The following TSPO variants were observed in gnomAD, a reference collection of about 807,000 sequenced individuals.
TSPO encodes the protein benzodiazepine peripheral binding site.
A neutral mutation model predicts 13.9 loss-of-function variants in TSPO; 14 were observed. The observed-to-expected ratio is 1.01, with a 90% CI of 0.67 to 1.58. The LOEUF (loss-of-function observed/expected upper bound fraction) is 1.58. Among genes scored for constraint, TSPO ranks in the 40% most tolerant of loss-of-function variants. The pLI is 0.00. For synonymous variants in TSPO, 114 were observed against 105.9 expected (o/e 1.08, Z -0.47); for missense variants, 232 against 229.6 (o/e 1.01, Z -0.07).
chr22:43,157,332 G>C (rs1601756087), intron 1 of TSPO, among the ~76,000 whole-genome samples: 1 of 152,016 alleles, frequency 6.6e-6, no homozygotes, highest in Non-Finnish European at 1.5e-5. Flanking sequence ...GGAGCGGGAG[G>C]GAGAACACAG....
At chr22:43,152,708 C>T (rs1931111355) in intron 1 of TSPO, among the ~76,000 whole-genome samples, 1 of 152,250 alleles carries the variant, frequency 6.6e-6, no homozygotes, top group Non-Finnish European at 1.5e-5. Flanking sequence ...CTGAGGCTTG[C>T]CAAAGAAGCC....
chr22:43,162,687 TG>T (rs1483827140), intron 3 of TSPO, 115 bp from the exon 4 acceptor site: 2 of 1,036,286 alleles, frequency 1.9e-6, no homozygotes, highest in Middle Eastern at 3.2e-4. Context: ...AAGGGTGGAG[TG>T]GGGGTGAGTG....
At chr22:43,151,841 G>A (rs1396591885) in intron 1 of TSPO, 2 of 152,266 alleles carry the variant, frequency 1.3e-5, no homozygotes, top group Non-Finnish European at 2.9e-5. Flanking sequence ...TGGGGGTTCG[G>A]GAGGGAAAAC....
In TSPO at chr22:43,153,345, T is replaced by TGATGGTGCAAACAATGC. The variant is rs1214567553; in HGVS notation, c.-30+1741_-30+1742insGATGGTGCAAACAATGC. On this transcript the variant is annotated intron_variant, in intron 1 of 3. Transcript: ENST00000337554. ...GGCTTATTTGTGTTTTCTTTTTTTT[T>TGATGGTGCAAACAATGC]TTTTTTTTTTTTTTTTTGAGACGGA... is the stretch of plus-strand genomic sequence containing the variant. 4.3e-3 allele frequency among the ~76,000 whole-genome samples: 216 copies of TGATGGTGCAAACAATGC among 50,142 alleles called. 7 individuals carry two copies. Among genetic ancestry groups the TGATGGTGCAAACAATGC allele is most frequent in the East Asian group, 0.043 (4 of 94 alleles). The allele number at this position is 50,142 out of a possible 152,430, so 32.9% of individuals were successfully genotyped here. A position where few individuals can be genotyped will look rare whatever the true frequency, so the allele number is the denominator to read the frequency against.
In TSPO at chr22:43,163,091, G is replaced by A. The variant is rs769779822; in HGVS notation, c.*100G>A. The A allele has an allele frequency of 1.6e-5, 25 of 1,530,496 alleles. No individual in the cohort carries two copies. The African/African-American group carries it at 3.0e-4, about 18-fold the overall frequency. 94.8% of individuals were successfully genotyped at this position (1,530,496 alleles called of 1,614,324 possible). On this transcript the variant is annotated 3_prime_UTR_variant, in exon 4 of 4. Transcript: ENST00000337554. ...TCATGACCACTGGGCCTGCTAGTCT[G>A]TCAGGGCCTTGGCCCAGGGGTCAGC...
At position 43,162,873 on chromosome 22, in the gene TSPO, C is replaced by T. The variant is rs373738253; in HGVS notation, c.392C>T (p.Pro131Leu). Residue 131 changes from proline (P) to leucine (L), a missense_variant, in exon 4 of 4, where the codon CCG becomes CTG. Physicochemically the swap from Pro to Leu is moderately conservative, Grantham distance 98 (BLOSUM62 -3). Transcript: ENST00000337554. ...ATTVAWYQVSPLAARLLYPYL... is the reference protein window; with the variant it reads ...ATTVAWYQVSLLAARLLYPYL... ...ACCGTGGCCTGGTACCAGGTGAGCC[C>T]GCTGGCCGCCCGCCTGCTCTACCCC... 4.1e-5 allele frequency: 65 copies of T among 1,578,020 alleles called. No individual in the cohort carries two copies. The highest frequency in any genetic ancestry group is 5.1e-5 in the Non-Finnish European group (59 of 1,163,284).
At chr22:43,157,557 C>T (rs898479221) in intron 1 of TSPO, among the ~76,000 whole-genome samples, 1 of 152,132 alleles carries the variant, frequency 6.6e-6, no homozygotes, top group African/African-American at 2.4e-5. Context: ...GTGCCGGGCG[C>T]GGTGGCTCAC....
Position 43,153,336 on chromosome 22 carries a change from CTTTTTTTTT to C in TSPO, c.-30+1750_-30+1758del, listed in dbSNP as rs1052119233. 1.2e-4 allele frequency among the ~76,000 whole-genome samples: 6 copies of C among 50,746 alleles called. 1 individual carries two copies. The highest frequency in any genetic ancestry group is 2.0e-4 in the African/African-American group (2 of 10,246). The allele number at this position is 50,746 out of a possible 152,430, so 33.3% of individuals were successfully genotyped here. Reference sequence around the variant, plus strand: ...ACTGTTCCTGGCTTATTTGTGTTTTCTTTTTTTTTTTTTTTTTTTTTTTTTTGAGACGGA... The same window carrying C: ...ACTGTTCCTGGCTTATTTGTGTTTTCTTTTTTTTTTTTTTTTTGAGACGGA... On this transcript the variant is annotated intron_variant, in intron 1 of 3. Coordinates refer to ENST00000337554, the MANE Select transcript of TSPO (RefSeq NM_000714.6).
chr22:43,158,427 C>T (rs929420558), intron 1 of TSPO, among the ~76,000 whole-genome samples: 4 of 152,136 alleles, frequency 2.6e-5, no homozygotes, highest in African/African-American at 9.7e-5. Context: ...CAAGAGCAGA[C>T]GACTCCTGAT....
chr22:43,157,764 G>C (rs908364858), intron 1 of TSPO, among the ~76,000 whole-genome samples: 1 of 152,210 alleles, frequency 6.6e-6, no homozygotes, highest in Non-Finnish European at 1.5e-5. Flanking sequence ...CTGAACCTGG[G>C]AGGCAGAGGT....
intron 1 of TSPO, among the ~76,000 whole-genome samples, chr22:43,155,069 AAGT>A (rs1354300011): frequency 4.6e-5 from 7 of 152,158 alleles, no homozygotes; most frequent in African/African-American, 1.7e-4. Context: ...AACTCCTGGC[AAGT>A]GGTCACGCGG....
At chr22:43,161,302 A>T in intron 3 of TSPO, 112 bp downstream of exon 3, 1 of 1,433,100 alleles carries the variant, frequency 7.0e-7, no homozygotes, top group South Asian at 1.4e-5. Flanking sequence ...GGGGAGACAA[A>T]AGGCCATGTC....
rs1315412355 is a variant in TSPO at position 43,161,209 on chromosome 22, T to A, written c.321+19T>A. ...GGGCTGGGTAAGTGTGGCCACAGCATGTGTCCCTGATCCCTGGATCCGACC... is the reference window on the plus strand; with the variant it reads ...GGGCTGGGTAAGTGTGGCCACAGCAAGTGTCCCTGATCCCTGGATCCGACC... On this transcript the variant is annotated intron_variant, in intron 3 of 3. Transcript: ENST00000337554. 6.2e-7 allele frequency: 1 copy of A among 1,606,218 alleles called. No homozygotes were observed. The highest frequency in any genetic ancestry group is 1.3e-5 in the African/African-American group (1 of 74,744).
chr22:43,160,117 G>A lies in TSPO; in HGVS notation c.182+697G>A, dbSNP rs7287485. On this transcript the variant is annotated intron_variant, in intron 2 of 3. Transcript: ENST00000337554. ...ATAGCAGAGGCCAGGCCAGGTGCCCGGCTCTGATGGGAATAAGGCCCTGGA... is the reference window on the plus strand; with the variant it reads ...ATAGCAGAGGCCAGGCCAGGTGCCCAGCTCTGATGGGAATAAGGCCCTGGA... 4.4e-3 allele frequency among the ~76,000 whole-genome samples: 668 copies of A among 152,272 alleles called. 5 individuals carry two copies. Among genetic ancestry groups the A allele is most frequent in the African/African-American group, 0.015 (626 of 41,548 alleles).
At chr22:43,156,589 A>AG (rs2147052932) in intron 1 of TSPO, among the ~76,000 whole-genome samples, 2 of 152,226 alleles carry the variant, frequency 1.3e-5, no homozygotes, top group East Asian at 3.9e-4. Flanking sequence ...GGTTTCTTTT[A>AG]GGGGTTGAAA....
At chr22:43,161,261 G>A in intron 3 of TSPO, 71 bp downstream of exon 3, 1 of 1,557,268 alleles carries the variant, frequency 6.4e-7, no homozygotes, top group South Asian at 1.2e-5. Flanking sequence ...CATCACATAT[G>A]ACACTGGGTC....
At chr22:43,159,882 C>G (rs546380166) in intron 2 of TSPO, among the ~76,000 whole-genome samples, 5 of 152,308 alleles carry the variant, frequency 3.3e-5, no homozygotes, top group South Asian at 2.1e-4. Flanking sequence ...CCTTCAGGCT[C>G]AGTCTGGCCT....
chr22:43,156,576 C>T (rs1016072711), intron 1 of TSPO, among the ~76,000 whole-genome samples: 4 of 152,026 alleles, frequency 2.6e-5, no homozygotes, highest in Admixed American at 2.0e-4. Flanking sequence ...CTGATGGATA[C>T]GGGGTTTCTT....
rs1246199396 is a variant in TSPO, at chr22:43,153,543, G to A, written c.-30+1939G>A. On this transcript the variant is annotated intron_variant, in intron 1 of 3. Coordinates refer to ENST00000337554, the MANE Select transcript of TSPO (RefSeq NM_000714.6). ...ATTTTTTGTATTTTTAGTAGAGACG[G>A]GGTTTCACCTTGTTAGCCAGGATGG... Among the ~76,000 whole-genome samples, 2 of 75,062 alleles carry A rather than the reference G, an allele frequency of 2.7e-5. 1 individual carries two copies. The highest frequency in any genetic ancestry group is 5.6e-5 in the Non-Finnish European group (2 of 35,638). The allele number at this position is 75,062 out of a possible 152,430, so 49.2% of individuals were successfully genotyped here.
Sources: gnomAD v4.1 joint callset for allele counts (sites outside exome capture counted in the v4.1 genomes callset) on GRCh38, gnomAD v4.1.1 for gene constraint, MANE v1.5 for transcripts, NCBI Gene and HGNC (gene_info 2026-07-23, HGNC 2026-07-21) for gene names.